Variants in CRYBG1 observed in about 807,000 individuals in gnomAD.
CRYBG1 encodes crystallin beta-gamma domain containing 1.
Under a neutral mutation model 189.2 loss-of-function variants are expected in CRYBG1, and 139 were observed. The observed-to-expected ratio is 0.73, with a 90% confidence interval of 0.64 to 0.85. The LOEUF is 0.85. Ranked by LOEUF, CRYBG1 falls within the 40% of genes least tolerant of loss-of-function variation. The pLI, the probability that CRYBG1 is intolerant of heterozygous loss-of-function variation, is 0.00. For missense variants in CRYBG1, 2,611 were observed against 2,675.8 expected (o/e 0.98, Z 0.53); for synonymous variants, 1,023 against 1,017.1 (o/e 1.01, Z -0.11).
intron 1 of CRYBG1, among the ~76,000 whole-genome samples, chr6:106,377,549 A>G (rs1770192112): frequency 1.3e-5 from 2 of 151,352 alleles, no homozygotes; most frequent in South Asian, 4.2e-4. Flanking sequence ...GTTATCACTG[A>G]CAGAATCTCT....
At chr6:106,385,534 G>C (rs1171548034) in intron 1 of CRYBG1, among the ~76,000 whole-genome samples, 3 of 152,182 alleles carry the variant, frequency 2.0e-5, no homozygotes, top group Non-Finnish European at 4.4e-5. Flanking sequence ...ATCATTCAAA[G>C]ACTTGAATAG....
At chr6:106,514,273 A>G (rs1773368357) in intron 3 of CRYBG1, among the ~76,000 whole-genome samples, 2 of 152,330 alleles carry the variant, frequency 1.3e-5, no homozygotes, top group African/African-American at 2.4e-5. Context: ...ATAATGATTA[A>G]GTGCTTAAGT....
intron 1 of CRYBG1, among the ~76,000 whole-genome samples, chr6:106,405,641 C>T (rs1023412499): frequency 3.9e-5 from 6 of 152,234 alleles, no homozygotes; most frequent in African/African-American, 1.4e-4. Context: ...AGAGCTCTGG[C>T]TGGCATCTGG....
chr6:106,494,136 A>G (rs563891056), intron 2 of CRYBG1, among the ~76,000 whole-genome samples: 27 of 152,300 alleles, frequency 1.8e-4, no homozygotes, highest in African/African-American at 6.5e-4. Context: ...CACCAAAAAC[A>G]AATGTATGAT....
intron 1 of CRYBG1, among the ~76,000 whole-genome samples, chr6:106,411,802 C>G (rs115111065): frequency 6.6e-6 from 1 of 152,098 alleles, no homozygotes; most frequent in Non-Finnish European, 1.5e-5. Flanking sequence ...CCTGGGAGGC[C>G]GCTGATTCAA....
chr6:106,378,957 C>CA (rs1359835750), intron 1 of CRYBG1, among the ~76,000 whole-genome samples: 1 of 151,682 alleles, frequency 6.6e-6, no homozygotes, highest in East Asian at 2.0e-4. Flanking sequence ...CCAACCTGGC[C>CA]AAAAAACGGT....
At chr6:106,361,653 T>C (rs1771871512) in intron 1 of CRYBG1, among the ~76,000 whole-genome samples, 1 of 152,210 alleles carries the variant, frequency 6.6e-6, no homozygotes, top group South Asian at 2.1e-4. Context: ...GTGGCAGAGC[T>C]AGAGAGCACC....
At chr6:106,375,638 C>G (rs1770146480) in intron 1 of CRYBG1, among the ~76,000 whole-genome samples, 1 of 152,112 alleles carries the variant, frequency 6.6e-6, no homozygotes, top group Non-Finnish European at 1.5e-5. Flanking sequence ...AATGTCCTGT[C>G]CAGTTGTGTG....
Position 106,360,804 on chromosome 6 carries a change from C to A in CRYBG1, c.-105C>A. 1 of 1,332,226 alleles carries A rather than the reference C, an allele frequency of 7.5e-7. No individual in the cohort carries two copies. Among genetic ancestry groups the A allele is most frequent in the Non-Finnish European group, 9.8e-7 (1 of 1,019,250 alleles). The allele number at this position is 1,332,226 out of a possible 1,614,324, so 82.5% of individuals were successfully genotyped here. A position where few individuals can be genotyped will look rare whatever the true frequency, so the allele number is the denominator to read the frequency against. On this transcript the variant is annotated 5_prime_UTR_variant, in exon 1 of 22. Coordinates refer to ENST00000633556, the MANE Select transcript of CRYBG1 (RefSeq NM_001371242.2). Reference sequence around the variant, plus strand: ...GACGAGGGGGCGGGGTCCCACGGCGCGCTGAGAAAGGCGGGCGAGCTGGCG... The same window carrying A: ...GACGAGGGGGCGGGGTCCCACGGCGAGCTGAGAAAGGCGGGCGAGCTGGCG...
chr6:106,539,277 C>G, intron 8 of CRYBG1, 126 bp from the exon 9 acceptor site: 1 of 1,079,514 alleles, frequency 9.3e-7, no homozygotes, highest in Non-Finnish European at 1.3e-6. Context: ...CTGAGTCCAA[C>G]CATTCATTAT....
chr6:106,516,282 G>A lies in CRYBG1; in HGVS notation c.1923-2849G>A, dbSNP rs538612742. 6.6e-4 allele frequency among the ~76,000 whole-genome samples: 100 copies of A among 151,274 alleles called. 1 individual carries two copies. In the South Asian group the frequency reaches 0.02, roughly 30 times the overall value. On this transcript the variant is annotated intron_variant, in intron 3 of 21. Coordinates refer to ENST00000633556, the MANE Select transcript of CRYBG1 (RefSeq NM_001371242.2). ...AGAGTCTCACTCTGTCGCCCAGGCT[G>A]GAGTGTAGTGGCACAATCTTGGCTC...
intron 1 of CRYBG1, among the ~76,000 whole-genome samples, chr6:106,418,656 A>G (rs1340761670): frequency 6.6e-6 from 1 of 152,248 alleles, no homozygotes; most frequent in Non-Finnish European, 1.5e-5. Flanking sequence ...TTGTAGATTC[A>G]GTAGATATTT....
intron 1 of CRYBG1, among the ~76,000 whole-genome samples, chr6:106,402,850 A>T (rs907250818): frequency 6.6e-6 from 1 of 151,738 alleles, no homozygotes; most frequent in Non-Finnish European, 1.5e-5. Context: ...GAGTGAGGGG[A>T]GGGTGGGGGA....
intron 1 of CRYBG1, among the ~76,000 whole-genome samples, chr6:106,385,182 A>G (rs1770359199): frequency 6.6e-6 from 1 of 152,204 alleles, no homozygotes; most frequent in African/African-American, 2.4e-5. Context: ...AACTCTGGCC[A>G]GTGATCTACC....
intron 1 of CRYBG1, among the ~76,000 whole-genome samples, chr6:106,446,691 C>T (rs1771670171): frequency 6.6e-6 from 1 of 152,162 alleles, no homozygotes; most frequent in Non-Finnish European, 1.5e-5. Context: ...TTATCAGGGC[C>T]ACTTTCAAGG....
intron 2 of CRYBG1, among the ~76,000 whole-genome samples, chr6:106,491,984 T>C (rs1036868416): frequency 1.3e-5 from 2 of 152,188 alleles, no homozygotes; most frequent in African/African-American, 2.4e-5. Flanking sequence ...TTTGGTTGCC[T>C]TTCCTCAGTC....
intron 1 of CRYBG1, among the ~76,000 whole-genome samples, chr6:106,450,463 T>C (rs574202112): frequency 6.6e-6 from 1 of 152,378 alleles, no homozygotes; most frequent in South Asian, 2.1e-4. Flanking sequence ...CATTCAAAGC[T>C]GTCATTCTGC....
At chr6:106,416,857 G>A (rs1200815960) in intron 1 of CRYBG1, among the ~76,000 whole-genome samples, 1 of 152,064 alleles carries the variant, frequency 6.6e-6, no homozygotes, top group Non-Finnish European at 1.5e-5. Context: ...AAAAACATAT[G>A]GGAAGGGTCA....
chr6:106,558,577 C>A lies in CRYBG1; in HGVS notation c.5807C>A (p.Ser1936Tyr). The change falls in exon 18 of 22, where the codon TCC becomes TAC. Residue 1936 changes from serine to tyrosine, a missense_variant. This residue lies in a region of CRYBG1 where 1,622 missense variants were observed against 1,735.0 expected (regional missense o/e 0.93). Transcript: ENST00000633556. ...AATGCAGAAACTGTCAATCTCCGAT[C>A]CCTGGGATTCAACACACAAATACGC... ...ELNAETVNLR[S>Y]LGFNTQIRSV... is the part of the protein sequence containing the mutation. 1 of 1,613,474 alleles carries A rather than the reference C, an allele frequency of 6.2e-7. No individual in the cohort carries two copies. The highest frequency in any genetic ancestry group is 1.7e-4 in the Middle Eastern group (1 of 6,060).
Sources: gnomAD v4.1 joint callset for allele counts (sites outside exome capture counted in the v4.1 genomes callset) on GRCh38, gnomAD v4.1.1 for gene constraint, gnomAD v4.1.1 regional missense constraint, MANE v1.5 for transcripts, NCBI Gene and HGNC (gene_info 2026-07-23, HGNC 2026-07-21) for gene names.